Variants in GRIK4 observed in about 807,000 individuals in gnomAD.
The protein encoded by GRIK4 is glutamate ionotropic receptor kainate type subunit 4.
In GRIK4, 40 loss-of-function variants were observed where a neutral mutation model predicts 104.9. The ratio of observed to expected loss-of-function variants is 0.38; its 90% CI spans 0.30 to 0.50. The LOEUF is 0.50. GRIK4 is among the 20% of genes least tolerant of loss of function. The pLI is 0.93. For synonymous variants in GRIK4, 485 were observed against 524.9 expected, an observed-to-expected ratio of 0.92 and a Z score of 1.04; for missense variants, 1,047 against 1,308.1, an observed-to-expected ratio of 0.80 and a Z score of 3.08.
chr11:120,702,283 A>T (rs1026658208), intron 3 of GRIK4, among the ~76,000 whole-genome samples: 1 of 151,880 alleles, frequency 6.6e-6, no homozygotes, highest in African/African-American at 2.4e-5. Flanking sequence ...GGTACTTACG[A>T]GGGTAGAGTT....
At chr11:120,670,575 TG>T (rs1265426444) in intron 3 of GRIK4, among the ~76,000 whole-genome samples, 5 of 152,266 alleles carry the variant, frequency 3.3e-5, no homozygotes, top group African/African-American at 9.6e-5. Flanking sequence ...GCCCTCTGCC[TG>T]GAACACTTTT....
intron 3 of GRIK4, among the ~76,000 whole-genome samples, chr11:120,777,025 C>T (rs1389983923): frequency 6.6e-6 from 1 of 152,164 alleles, no homozygotes; most frequent in African/African-American, 2.4e-5. Flanking sequence ...CCTCAGGCAT[C>T]CTTGGGGGCT....
chr11:120,652,827 G>A (rs1393950811), intron 1 of GRIK4, among the ~76,000 whole-genome samples: 1 of 152,072 alleles, frequency 6.6e-6, no homozygotes, highest in Non-Finnish European at 1.5e-5. Flanking sequence ...ACCAGCGGAG[G>A]GACTGCTGAC....
chr11:120,575,840 G>A (rs1217948729), intron 1 of GRIK4: 1 of 152,146 alleles, frequency 6.6e-6, no homozygotes, highest in Non-Finnish European at 1.5e-5. Context: ...GCATGTGCCT[G>A]TAATCCCAGT....
intron 3 of GRIK4, among the ~76,000 whole-genome samples, chr11:120,756,726 G>T (rs920014586): frequency 1.3e-5 from 2 of 152,180 alleles, no homozygotes; most frequent in African/African-American, 4.8e-5. Context: ...CTGACACTGA[G>T]ACTCCTGGAT....
intron 3 of GRIK4, among the ~76,000 whole-genome samples, chr11:120,687,445 A>G (rs1468508573): frequency 2.6e-5 from 4 of 151,526 alleles, no homozygotes; most frequent in Non-Finnish European, 4.4e-5. Context: ...TTTTCTTTCC[A>G]TTTTTTTGGA....
At position 120,913,506 on chromosome 11, in the gene GRIK4, G is replaced by C. The variant is rs549995880; in HGVS notation, c.1476+8013G>C. Reference sequence around the variant, plus strand: ...CATCCTCAGGGCCCTGCTTGGGAGAGAGTAAAGCACATTTGGGAAGAGACA... The same window carrying C: ...CATCCTCAGGGCCCTGCTTGGGAGACAGTAAAGCACATTTGGGAAGAGACA... On this transcript the variant is annotated intron_variant, in intron 13 of 20. Coordinates refer to ENST00000527524, the MANE Select transcript of GRIK4 (RefSeq NM_014619.5). 1.1e-4 allele frequency among the ~76,000 whole-genome samples: 17 copies of C among 151,728 alleles called. No homozygotes were observed. The South Asian group carries it at 3.6e-3, about 32-fold the overall frequency.
intron 1 of GRIK4, among the ~76,000 whole-genome samples, chr11:120,652,980 T>G (rs1039923865): frequency 1.3e-5 from 2 of 152,198 alleles, no homozygotes; most frequent in African/African-American, 4.8e-5. Context: ...CAGCAAACAT[T>G]TATTAAACTT....
chr11:120,908,391 G>A (rs527478690), intron 13 of GRIK4, among the ~76,000 whole-genome samples: 1 of 152,046 alleles, frequency 6.6e-6, no homozygotes, highest in South Asian at 2.1e-4. Flanking sequence ...GTGTTCATCT[G>A]CAAAGGATTT....
intron 18 of GRIK4, among the ~76,000 whole-genome samples, chr11:120,964,032 G>A (rs891238414): frequency 6.0e-5 from 9 of 150,080 alleles, no homozygotes; most frequent in Admixed American, 3.3e-4. Context: ...TCACTCTGTA[G>A]CCCAGGCTGG....
Position 120,986,112 on chromosome 11 carries a change from AGGCC to A in GRIK4, c.2725_2728del (p.Ala909ProfsTer145), listed in dbSNP as rs1249422373. 2 of 1,515,224 alleles carry A rather than the reference AGGCC, an allele frequency of 1.3e-6. No homozygotes were observed. The highest frequency in any genetic ancestry group is 1.8e-6 in the Non-Finnish European group (2 of 1,139,408). 93.9% of individuals were successfully genotyped at this position (1,515,224 alleles called of 1,614,324 possible). On this transcript the variant is annotated frameshift_variant, in exon 21 of 21. Coordinates refer to ENST00000527524, the MANE Select transcript of GRIK4 (RefSeq NM_014619.5). LOFTEE classifies it high-confidence loss of function. The stretch of plus-strand genomic sequence containing the variant: ...CAGCTCGCGCAGAGACTGGCGCAGG[AGGCC>A]GCCCTGGTGGCCCGCGGCTGCACGC...
At chr11:120,711,406 A>G (rs544781561) in intron 3 of GRIK4, among the ~76,000 whole-genome samples, 8 of 152,146 alleles carry the variant, frequency 5.3e-5, no homozygotes, top group Non-Finnish European at 1.2e-4. Context: ...CCTCTGCCAC[A>G]GCCCAAGGTG....
intron 9 of GRIK4, among the ~76,000 whole-genome samples, chr11:120,863,375 A>G (rs752151029): frequency 2.6e-5 from 4 of 152,260 alleles, no homozygotes; most frequent in Non-Finnish European, 5.9e-5. Flanking sequence ...ACACTATACC[A>G]TATAGCCTAG....
intron 1 of GRIK4, among the ~76,000 whole-genome samples, chr11:120,534,556 G>A (rs1303461534): frequency 6.6e-6 from 1 of 152,140 alleles, no homozygotes; most frequent in African/African-American, 2.4e-5. Flanking sequence ...AAACAGCCAC[G>A]GGTAGCACAG....
At chr11:120,823,360 G>A (rs79411060) in intron 6 of GRIK4, among the ~76,000 whole-genome samples, 2,679 of 152,230 alleles carry the variant, frequency 0.018, 75 homozygotes, top group African/African-American at 0.06. Context: ...CCCAGCCCAG[G>A]GCTCTTCCCA....
At chr11:120,611,804 A>G (rs1016665790) in intron 1 of GRIK4, among the ~76,000 whole-genome samples, 2 of 152,150 alleles carry the variant, frequency 1.3e-5, no homozygotes, top group Admixed American at 6.5e-5. Flanking sequence ...TGTTCCTGAA[A>G]TGTTCATTGG....
At chr11:120,578,621 A>G (rs562322294) in intron 1 of GRIK4, among the ~76,000 whole-genome samples, 11 of 152,186 alleles carry the variant, frequency 7.2e-5, no homozygotes, top group Non-Finnish European at 1.3e-4. Context: ...TGCCAGACAC[A>G]TGCTTGGCAC....
chr11:120,920,294 C>G (rs978392464), intron 13 of GRIK4, among the ~76,000 whole-genome samples: 2 of 152,054 alleles, frequency 1.3e-5, no homozygotes, highest in Admixed American at 1.3e-4. Flanking sequence ...TGTTCGCTCT[C>G]TCCTCTCCTT....
intron 3 of GRIK4, among the ~76,000 whole-genome samples, chr11:120,793,221 CGAG>C (rs761422235): frequency 2.6e-4 from 40 of 151,832 alleles, no homozygotes; most frequent in Non-Finnish European, 4.1e-4. Flanking sequence ...TGCAGTGGGT[CGAG>C]GAGAACATGG....
Sources: allele counts gnomAD v4.1 joint callset (sites outside exome capture counted in the v4.1 genomes callset), GRCh38; gene constraint gnomAD v4.1.1; transcripts MANE v1.5; gene names NCBI Gene and HGNC (gene_info 2026-07-23, HGNC 2026-07-21).